LEPR: variants seen among roughly 807,000 people sequenced by gnomAD.
LEPR encodes the protein OB receptor.
LEPR carries 56 observed loss-of-function variants against 114.7 expected under a neutral mutation model. The ratio of observed to expected loss-of-function variants is 0.49; its 90% CI spans 0.39 to 0.61. The LOEUF is 0.61. Ranked by LOEUF, LEPR falls within the 20% of genes least tolerant of loss-of-function variation. The pLI is 0.00. For missense variants in LEPR, 1,202 were observed against 1,352.9 expected (o/e 0.89, Z 1.75); for synonymous variants, 443 against 461.4 (o/e 0.96, Z 0.51).
intron 2 of LEPR, among the ~76,000 whole-genome samples, chr1:65,558,557 T>G (rs1440503524): frequency 1.4e-5 from 1 of 71,080 alleles, no homozygotes; most frequent in Admixed American, 1.2e-4. Context: ...TTGTTTTTTT[T>G]TTTTTTTATA....
chr1:65,603,736 T>C (rs546516052), intron 10 of LEPR, among the ~76,000 whole-genome samples: 1 of 151,558 alleles, frequency 6.6e-6, no homozygotes, highest in African/African-American at 2.4e-5. Context: ...CTATCGTTAG[T>C]ATATTTTATG....
intron 2 of LEPR, chr1:65,435,238 T>G (rs1646542297): frequency 3.0e-6 from 3 of 985,206 alleles, no homozygotes; most frequent in Non-Finnish European, 3.6e-6. Context: ...CCTAAGGAAG[T>G]CCTTACCTCT....
At chr1:65,525,955 C>A in intron 2 of LEPR, 1 of 802,084 alleles carries the variant, frequency 1.2e-6, no homozygotes, top group Non-Finnish European at 1.5e-6. Context: ...TCCGGGGCAG[C>A]TTAGCGGGAC....
chr1:65,592,515 T>G, intron 5 of LEPR, 142 bp from the exon 6 acceptor site: 2 of 740,884 alleles, frequency 2.7e-6, no homozygotes, highest in South Asian at 3.8e-5. Context: ...GTTTTTCTAA[T>G]GTAGGGTTTT....
At chr1:65,462,179 G>A (rs995842727) in intron 2 of LEPR, among the ~76,000 whole-genome samples, 1 of 152,076 alleles carries the variant, frequency 6.6e-6, no homozygotes, top group Admixed American at 6.5e-5. Flanking sequence ...AGGCCCCAAT[G>A]TGTGATGTTC....
intron 1 of LEPR, chr1:65,421,365 A>G (rs557352668): frequency 3.3e-6 from 5 of 1,535,406 alleles, no homozygotes; most frequent in Admixed American, 3.9e-5. Context: ...TGTTTTTTGC[A>G]TGGGGCAGTT....
At chr1:65,631,317 T>C (rs548780743) in intron 19 of LEPR, among the ~76,000 whole-genome samples, 11 of 152,218 alleles carry the variant, frequency 7.2e-5, no homozygotes, top group Middle Eastern at 3.4e-3. Context: ...GGCCCCAGTT[T>C]CCAGCCACAG....
In LEPR at chr1:65,638,597, C is replaced by T. The variant is rs868533907; in HGVS notation, c.*1582C>T. 6.6e-6 allele frequency: 1 copy of T among 152,072 alleles called. No individual in the cohort carries two copies. Among genetic ancestry groups the T allele is most frequent in the Non-Finnish European group, 1.5e-5 (1 of 68,014 alleles). 9.4% of individuals were successfully genotyped at this position (152,072 alleles called of 1,614,324 possible). A position where few individuals can be genotyped will look rare whatever the true frequency, so the allele number is the denominator to read the frequency against. On this transcript the variant is annotated 3_prime_UTR_variant, in exon 20 of 20. Coordinates refer to ENST00000349533, the MANE Select transcript of LEPR (RefSeq NM_002303.6). The stretch of plus-strand genomic sequence containing the variant: ...AAATCTCTACATTCCATCTCTAGTC[C>T]AGTTGTGGCTATGAAGTGAGCAGTT...
intron 2 of LEPR, among the ~76,000 whole-genome samples, chr1:65,458,623 T>C (rs546982028): frequency 6.6e-6 from 1 of 152,310 alleles, no homozygotes; most frequent in Admixed American, 6.5e-5. Flanking sequence ...AGGATTTTCT[T>C]TTGTCTTTGA....
chr1:65,435,894 A>T, intron 2 of LEPR: 3 of 984,772 alleles, frequency 3.0e-6, no homozygotes, highest in Non-Finnish European at 3.6e-6. Context: ...TAGCTCATAA[A>T]TTATAATCTT....
chr1:65,492,055 A>G (rs1647899421), intron 2 of LEPR, among the ~76,000 whole-genome samples: 1 of 152,140 alleles, frequency 6.6e-6, no homozygotes, highest in African/African-American at 2.4e-5. Context: ...TGTTAATTAT[A>G]AACAATTTCT....
At chr1:65,456,116 A>G (rs554112175) in intron 2 of LEPR, among the ~76,000 whole-genome samples, 1 of 152,088 alleles carries the variant, frequency 6.6e-6, no homozygotes, top group East Asian at 1.9e-4. Context: ...TTCCCGAGTG[A>G]GGCAATGCCT....
intron 3 of LEPR, among the ~76,000 whole-genome samples, chr1:65,569,375 C>T (rs1239002573): frequency 6.6e-6 from 1 of 152,208 alleles, no homozygotes; most frequent in East Asian, 1.9e-4. Context: ...ACTGAAAAAA[C>T]AATTATGGAG....
intron 7 of LEPR, 25 bp from the exon 8 acceptor site, chr1:65,598,635 G>A: frequency 1.2e-6 from 2 of 1,611,702 alleles, no homozygotes; most frequent in South Asian, 2.2e-5. Context: ...TTGATGTTCT[G>A]ATGTTTTAAT....
At chr1:65,441,737 G>A (rs1320637790) in intron 2 of LEPR, among the ~76,000 whole-genome samples, 1 of 152,180 alleles carries the variant, frequency 6.6e-6, no homozygotes, top group African/African-American at 2.4e-5. Context: ...GGGAAAAGGT[G>A]ACAGAAATCC....
Position 65,547,849 on chromosome 1 carries a change from G to A in LEPR, c.-20-17697G>A, listed in dbSNP as rs1164994601. On this transcript the variant is annotated intron_variant, in intron 2 of 19. Coordinates refer to ENST00000349533, the MANE Select transcript of LEPR (RefSeq NM_002303.6). ...TTTACATATTTCTTGCCTTCTGCTG[G>A]CTTTTGAATGTGTTTGCTCTTGCTT... Among the ~76,000 whole-genome samples the A allele has an allele frequency of 2.0e-5, 2 of 97,920 alleles. 1 individual carries two copies. Among genetic ancestry groups the A allele is most frequent in the Non-Finnish European group, 4.5e-5 (2 of 44,416 alleles). 64.2% of individuals were successfully genotyped at this position (97,920 alleles called of 152,430 possible).
At chr1:65,434,287 C>G in intron 2 of LEPR, 3 of 983,732 alleles carry the variant, frequency 3.0e-6, no homozygotes, top group Non-Finnish European at 3.6e-6. Context: ...CATGGTGACA[C>G]AAATGTTGGA....
At chr1:65,558,504 T>G (rs1652997056) in intron 2 of LEPR, among the ~76,000 whole-genome samples, 1 of 113,088 alleles carries the variant, frequency 8.8e-6, no homozygotes, top group Non-Finnish European at 1.9e-5. Flanking sequence ...TCTTAATGTT[T>G]TTTTTTTTTT....
At chr1:65,521,966 G>C (rs550950029) in intron 2 of LEPR, among the ~76,000 whole-genome samples, 3 of 152,108 alleles carry the variant, frequency 2.0e-5, no homozygotes, top group South Asian at 2.1e-4. Context: ...TGGGTGTAGT[G>C]GTGGACACCT....
Sources: gnomAD v4.1 joint callset for allele counts (sites outside exome capture counted in the v4.1 genomes callset) on GRCh38, gnomAD v4.1.1 for gene constraint, MANE v1.5 for transcripts, NCBI Gene and HGNC (gene_info 2026-07-23, HGNC 2026-07-21) for gene names.